Variants in VPS13D observed in about 807,000 individuals in gnomAD.
The protein encoded by VPS13D is intermembrane lipid transfer protein VPS13D.
A neutral mutation model predicts 461.9 loss-of-function variants in VPS13D; 187 were observed. The ratio of observed to expected loss-of-function variants is 0.40; its 90% CI spans 0.36 to 0.46. VPS13D has a LOEUF of 0.46. Ranked by LOEUF, VPS13D falls within the 20% of genes least tolerant of loss-of-function variation. The pLI, the probability that VPS13D is intolerant of heterozygous loss-of-function variation, is 0.60. For synonymous variants in VPS13D, 1,951 were observed against 1,986.3 expected, an observed-to-expected ratio of 0.98 and a Z score of 0.47; for missense variants, 4,711 against 5,364.9, an observed-to-expected ratio of 0.88 and a Z score of 3.81.
intron 17 of VPS13D, among the ~76,000 whole-genome samples, chr1:12,272,391 T>TGG (rs3220497): frequency 3.3e-4 from 42 of 128,996 alleles, no homozygotes; most frequent in South Asian, 3.2e-3. Context: ...TTTTTTGTTT[T>TGG]GGTGTGTGTG....
At chr1:12,434,432 G>A (rs1348300728) in intron 65 of VPS13D, among the ~76,000 whole-genome samples, 2 of 152,130 alleles carry the variant, frequency 1.3e-5, no homozygotes, top group African/African-American at 4.8e-5. Flanking sequence ...GGTGGTAGCA[G>A]CTTGGCTCTG....
In VPS13D at chr1:12,414,138, G is replaced by T. The variant is rs540426504; in HGVS notation, c.12031-949G>T. Among the ~76,000 whole-genome samples, 290 of 152,210 alleles carry T rather than the reference G, an allele frequency of 1.9e-3. 1 individual carries two copies. The highest frequency in any genetic ancestry group is 6.5e-3 in the African/African-American group (270 of 41,526). ...TTCTCTACAAAAAATACAAAAATTA[G>T]CTGGGCATGGTAGTTTGCACATGTA... is the stretch of plus-strand genomic sequence containing the variant. On this transcript the variant is annotated intron_variant, in intron 63 of 69. Coordinates refer to ENST00000620676, the MANE Select transcript of VPS13D (RefSeq NM_015378.4).
chr1:12,333,491 C>A, intron 38 of VPS13D, 125 bp downstream of exon 38: 2 of 1,202,064 alleles, frequency 1.7e-6, no homozygotes, highest in Non-Finnish European at 2.3e-6. Flanking sequence ...TTCATCCTGA[C>A]TGCTTTCCTG....
At position 12,276,844 on chromosome 1, in the gene VPS13D, TTTG is replaced by T. The variant is rs1641629758; in HGVS notation, c.3258_3260del (p.Phe1086_Val1087delinsLeu). 1 of 1,614,006 alleles carries T rather than the reference TTTG, an allele frequency of 6.2e-7. No individual in the cohort carries two copies. Among genetic ancestry groups the T allele is most frequent in the Non-Finnish European group, 8.5e-7 (1 of 1,180,022 alleles). On this transcript the variant is annotated inframe_deletion, in exon 19 of 70. Transcript: ENST00000620676. The surrounding 1 kb of genome is among the most constrained non-coding windows in gnomAD (Gnocchi z 4.5). Reference sequence around the variant, plus strand: ...GTCCCTTATTAAGTTGGAATATCAGTTTGTGAGTTCAGAGTGCCCATCGATGAA... The same window carrying T: ...GTCCCTTATTAAGTTGGAATATCAGTTGAGTTCAGAGTGCCCATCGATGAA...
chr1:12,373,895 T>C, intron 55 of VPS13D, 37 bp downstream of exon 55: 1 of 1,505,542 alleles, frequency 6.6e-7, no homozygotes, highest in Non-Finnish European at 9.1e-7. Flanking sequence ...GAATACAAGG[T>C]TTTTAGCACT....
chr1:12,428,051 C>T (rs971980172), intron 65 of VPS13D, among the ~76,000 whole-genome samples: 3 of 152,032 alleles, frequency 2.0e-5, no homozygotes, highest in East Asian at 1.9e-4. Flanking sequence ...TTTTGTGAGG[C>T]GGAGGATGGT....
chr1:12,399,899 T>A (rs1275769348), intron 60 of VPS13D, among the ~76,000 whole-genome samples: 2 of 152,210 alleles, frequency 1.3e-5, no homozygotes, highest in Non-Finnish European at 2.9e-5. Flanking sequence ...ATGGCTAAAT[T>A]GAGCTAATAT....
At chr1:12,389,633 C>T (rs549309201) in intron 60 of VPS13D, among the ~76,000 whole-genome samples, 2 of 152,302 alleles carry the variant, frequency 1.3e-5, no homozygotes, top group African/African-American at 4.8e-5. Context: ...AATTGCAGTC[C>T]TTGTTTCTGC....
At chr1:12,488,904 A>T (rs1021852249) in intron 67 of VPS13D, among the ~76,000 whole-genome samples, 4 of 152,190 alleles carry the variant, frequency 2.6e-5, no homozygotes, top group African/African-American at 4.8e-5. Context: ...AGAATGTTCT[A>T]CTTAGAACAC....
At chr1:12,245,097 A>C (rs1290293077) in intron 5 of VPS13D, among the ~76,000 whole-genome samples, 1 of 152,132 alleles carries the variant, frequency 6.6e-6, no homozygotes, top group Non-Finnish European at 1.5e-5. Context: ...AAGATACCTA[A>C]CCTCTTGCTG....
intron 65 of VPS13D, among the ~76,000 whole-genome samples, chr1:12,423,392 C>CA (rs947716012): frequency 1.3e-5 from 2 of 151,756 alleles, no homozygotes; most frequent in East Asian, 1.9e-4. Context: ...ACAAATAAAC[C>CA]AAAAAAATAA....
At chr1:12,487,655 G>A (rs539304234) in intron 67 of VPS13D, among the ~76,000 whole-genome samples, 2 of 151,374 alleles carry the variant, frequency 1.3e-5, no homozygotes, top group South Asian at 4.2e-4. Flanking sequence ...GGTCCCCTCT[G>A]GGGGCTGGAG....
chr1:12,321,348 A>G (rs1248820452), intron 32 of VPS13D, among the ~76,000 whole-genome samples: 1 of 152,120 alleles, frequency 6.6e-6, no homozygotes, highest in Non-Finnish European at 1.5e-5. Context: ...GTTGGGGAGT[A>G]ACATTATTTT....
In VPS13D at chr1:12,276,258, A is replaced by T; in HGVS notation, c.2670A>T (p.Lys890Asn). The T allele has an allele frequency of 6.2e-7, 1 of 1,614,104 alleles. No homozygotes were observed. The highest frequency in any genetic ancestry group is 8.5e-7 in the Non-Finnish European group (1 of 1,180,034). ...TAAAAATCCACATTAATGAAGATAA[A>T]ATATCTGCACTAAAGAATTGCTTTG... ...PDLKIHINED[K>N]ISALKNCFAL... The change falls in exon 19 of 70, where the codon AAA becomes AAT. Residue 890 changes from lysine to asparagine, a missense_variant. This residue lies in a region of VPS13D where 4,411 missense variants were observed against 4,937.8 expected (regional missense o/e 0.89). Coordinates refer to ENST00000620676, the MANE Select transcript of VPS13D (RefSeq NM_015378.4). This position sits in a 1 kb window ranked among gnomAD's most constrained non-coding sequence, Gnocchi z 4.5.
At chr1:12,386,723 C>T (rs1644355125) in intron 60 of VPS13D, among the ~76,000 whole-genome samples, 2 of 152,166 alleles carry the variant, frequency 1.3e-5, no homozygotes, top group South Asian at 4.1e-4. Context: ...AATTTACCCT[C>T]CCACCTGAAA....
In VPS13D at chr1:12,293,598, A is replaced by AT. The variant is rs758996634; in HGVS notation, c.5928dup (p.Val1977CysfsTer32). 6.2e-7 allele frequency: 1 copy of AT among 1,614,170 alleles called. No individual in the cohort carries two copies. Among genetic ancestry groups the AT allele is most frequent in the South Asian group, 1.1e-5 (1 of 91,086 alleles). ...AGCCTCCGGATGGCCTCTGTGCAGTATGTGCATACTCAGCGTTTCCAGGCA... is the reference window on the plus strand; with the variant it reads ...AGCCTCCGGATGGCCTCTGTGCAGTATTGTGCATACTCAGCGTTTCCAGGCA... On this transcript the variant is annotated frameshift_variant, in exon 24 of 70. Coordinates refer to ENST00000620676, the MANE Select transcript of VPS13D (RefSeq NM_015378.4). LOFTEE classifies it high-confidence loss of function.
intron 15 of VPS13D, 122 bp downstream of exon 15, chr1:12,268,042 A>G (rs565441065): frequency 2.8e-6 from 2 of 712,310 alleles, no homozygotes; most frequent in African/African-American, 1.8e-5. Context: ...GCTCACTGCA[A>G]CCTCTGCCTC....
At chr1:12,399,766 C>G (rs967235600) in intron 60 of VPS13D, among the ~76,000 whole-genome samples, 1 of 150,716 alleles carries the variant, frequency 6.6e-6, no homozygotes, top group African/African-American at 2.5e-5. Context: ...TTGCAGTGAG[C>G]CAAGATTCCG....
chr1:12,315,292 TC>T (rs1255832885), intron 30 of VPS13D, among the ~76,000 whole-genome samples: 3 of 152,244 alleles, frequency 2.0e-5, no homozygotes, highest in African/African-American at 7.2e-5. Flanking sequence ...CTTACATGTT[TC>T]TGTATGCCTG....
Sources: gnomAD v4.1 joint callset for allele counts (sites outside exome capture counted in the v4.1 genomes callset) on GRCh38, gnomAD v4.1.1 for gene constraint, gnomAD v4.1.1 regional missense constraint, Gnocchi (gnomAD v3.1) non-coding constraint, MANE v1.5 for transcripts, NCBI Gene and HGNC (gene_info 2026-07-23, HGNC 2026-07-21) for gene names.